The following EYS variants were observed in gnomAD, a reference collection of about 807,000 sequenced individuals.
EYS encodes the protein EGF-like photoreceptor maintenance factor, also known as protein eyes shut homolog.
In EYS, 250 loss-of-function variants were observed where a neutral mutation model predicts 282.1. The observed-to-expected ratio is 0.89, with a 90% CI of 0.80 to 0.98. The LOEUF is 0.98. Among genes scored for constraint, EYS ranks in the 50% least tolerant of loss-of-function variants. The pLI, the probability that EYS is intolerant of heterozygous loss-of-function variation, is 0.00. For synonymous variants in EYS, 1,355 were observed against 1,282.9 expected (o/e 1.06, Z -1.20); for missense variants, 4,016 against 3,709.0 (o/e 1.08, Z -2.15).
intron 1 of EYS, among the ~76,000 whole-genome samples, chr6:65,672,691 T>G (rs2149833341): frequency 6.6e-6 from 1 of 152,222 alleles, no homozygotes; most frequent in African/African-American, 2.4e-5. Flanking sequence ...AAATTCAAAA[T>G]TAACCATTGT....
intron 14 of EYS, among the ~76,000 whole-genome samples, chr6:64,997,022 C>A (rs143652179): frequency 6.6e-6 from 1 of 152,044 alleles, no homozygotes; most frequent in Admixed American, 6.6e-5. Flanking sequence ...AATGAGGAGC[C>A]GGAGGGGATC....
rs532728240 is a variant in EYS at position 64,368,178 on chromosome 6, G to A, written c.6078+20512C>T. On this transcript the variant is annotated intron_variant, in intron 29 of 42. Coordinates refer to ENST00000503581, the MANE Select transcript of EYS (RefSeq NM_001142800.2). Reference sequence around the variant, plus strand: ...CTCAAAGTTTAGTTCTCACTTGTAAGTGAAAACATGTGGTGTTTGGCTTTC... The same window carrying A: ...CTCAAAGTTTAGTTCTCACTTGTAAATGAAAACATGTGGTGTTTGGCTTTC... Among the ~76,000 whole-genome samples the A allele has an allele frequency of 8.5e-5, 13 of 152,226 alleles. No individual in the cohort carries two copies. In the East Asian group the frequency reaches 2.3e-3, roughly 27 times the overall value.
At chr6:64,014,300 T>G (rs2149813955) in intron 33 of EYS, among the ~76,000 whole-genome samples, 1 of 152,266 alleles carries the variant, frequency 6.6e-6, no homozygotes, top group South Asian at 2.1e-4. Flanking sequence ...CCTGCCATTT[T>G]TTTTTTTACA....
intron 39 of EYS, 117 bp from the exon 40 acceptor site, chr6:63,778,297 A>G: frequency 9.3e-7 from 1 of 1,079,026 alleles, no homozygotes; most frequent in Non-Finnish European, 1.3e-6. Context: ...ATACATGTAA[A>G]TTTTAAAAGA....
At chr6:64,655,460 G>T (rs1182239360) in intron 22 of EYS, among the ~76,000 whole-genome samples, 1 of 151,614 alleles carries the variant, frequency 6.6e-6, no homozygotes, top group African/African-American at 2.4e-5. Flanking sequence ...TTATATATTT[G>T]AGTCTTCTTA....
At chr6:63,729,495 G>C (rs1020650808) in intron 41 of EYS, among the ~76,000 whole-genome samples, 1 of 148,740 alleles carries the variant, frequency 6.7e-6, no homozygotes, top group Non-Finnish European at 1.5e-5. Context: ...TAAATTTTGT[G>C]AAAGATGTCA....
chr6:64,409,614 C>A (rs1773822343), intron 28 of EYS, among the ~76,000 whole-genome samples: 1 of 152,082 alleles, frequency 6.6e-6, no homozygotes. Flanking sequence ...ACTAACTTCA[C>A]CAATTTTATA....
At chr6:65,365,529 T>C (rs981002105) in intron 8 of EYS, among the ~76,000 whole-genome samples, 3 of 151,498 alleles carry the variant, frequency 2.0e-5, no homozygotes, top group Admixed American at 6.7e-5. Context: ...GGTTTCTCTT[T>C]TATTTTGTTT....
chr6:65,428,972 C>T (rs570571241), intron 5 of EYS, among the ~76,000 whole-genome samples: 12 of 151,834 alleles, frequency 7.9e-5, no homozygotes, highest in Admixed American at 1.3e-4. Context: ...CACCTGAGGT[C>T]GGGAGTTCGA....
intron 5 of EYS, among the ~76,000 whole-genome samples, chr6:65,406,539 T>A: frequency 6.6e-6 from 1 of 152,254 alleles, no homozygotes. Context: ...TAATATATTT[T>A]ATAATTTTAG....
chr6:64,092,560 A>G (rs1772408152), intron 31 of EYS, among the ~76,000 whole-genome samples: 2 of 151,944 alleles, frequency 1.3e-5, no homozygotes, highest in South Asian at 2.1e-4. Flanking sequence ...CTTTTGAGAA[A>G]TGTCTGTTCA....
intron 5 of EYS, among the ~76,000 whole-genome samples, chr6:65,485,984 AT>A: frequency 6.6e-6 from 1 of 152,224 alleles, no homozygotes; most frequent in East Asian, 1.9e-4. Flanking sequence ...GAATTTGTGA[AT>A]TTAGCAAACA....
chr6:65,568,414 T>G (rs1175322745), intron 2 of EYS, among the ~76,000 whole-genome samples: 1 of 151,998 alleles, frequency 6.6e-6, no homozygotes, highest in Non-Finnish European at 1.5e-5. Flanking sequence ...TAAATACATT[T>G]GCATGCCATT....
chr6:65,073,531 A>G, intron 12 of EYS, among the ~76,000 whole-genome samples: 1 of 151,890 alleles, frequency 6.6e-6, no homozygotes, highest in Admixed American at 6.6e-5. Flanking sequence ...AGGAAAGTGT[A>G]TTGTATATAA....
chr6:65,570,128 A>G (rs199610292), intron 2 of EYS, among the ~76,000 whole-genome samples: 10 of 115,200 alleles, frequency 8.7e-5, no homozygotes, highest in African/African-American at 3.5e-4. Flanking sequence ...AATAAAAAAT[A>G]AAATAAAAAA....
intron 13 of EYS, among the ~76,000 whole-genome samples, chr6:65,036,554 A>G (rs1432625143): frequency 6.6e-6 from 1 of 151,936 alleles, no homozygotes; most frequent in African/African-American, 2.4e-5. Flanking sequence ...AATACTTGCA[A>G]ACTATGCATC....
chr6:65,474,000 A>C (rs954244694), intron 5 of EYS, among the ~76,000 whole-genome samples: 1 of 152,038 alleles, frequency 6.6e-6, no homozygotes, highest in Admixed American at 6.6e-5. Context: ...CTTGCAGTTA[A>C]GGAGACCAAA....
chr6:64,418,325 G>C (rs1034768062), intron 28 of EYS, among the ~76,000 whole-genome samples: 2 of 152,196 alleles, frequency 1.3e-5, no homozygotes, highest in African/African-American at 2.4e-5. Context: ...AGAAGCTTCA[G>C]AGTAATACTT....
At chr6:64,382,287 C>T (rs1013901673) in intron 29 of EYS, among the ~76,000 whole-genome samples, 3 of 152,142 alleles carry the variant, frequency 2.0e-5, no homozygotes, top group Non-Finnish European at 4.4e-5. Context: ...TCTGGCCTCA[C>T]GTATTTAAAT....
Sources: allele counts gnomAD v4.1 joint callset (sites outside exome capture counted in the v4.1 genomes callset), GRCh38; gene constraint gnomAD v4.1.1; transcripts MANE v1.5; gene names NCBI Gene and HGNC (gene_info 2026-07-23, HGNC 2026-07-21).